Variants in PPA2 observed in about 807,000 individuals in gnomAD.
The protein encoded by PPA2 is inorganic pyrophosphatase 2.
A neutral mutation model predicts 49.5 loss-of-function variants in PPA2; 48 were observed. The observed-to-expected ratio is 0.97, with a 90% CI of 0.77 to 1.23. The LOEUF (loss-of-function observed/expected upper bound fraction) is 1.23. Ranked by LOEUF, PPA2 falls within the 50% of genes most tolerant of loss-of-function variation. The probability of loss-of-function intolerance (pLI) is 0.00; values close to 1 mark genes in which losing one functional copy is unlikely to be tolerated. For missense variants in PPA2, 429 were observed against 410.1 expected, an observed-to-expected ratio of 1.05 and a Z score of -0.40; for synonymous variants, 131 against 139.9, an observed-to-expected ratio of 0.94 and a Z score of 0.45.
chr4:105,463,084 T>C (rs553380193), intron 1 of PPA2, among the ~76,000 whole-genome samples: 9 of 152,200 alleles, frequency 5.9e-5, no homozygotes, highest in Admixed American at 2.6e-4. Context: ...CAGGCAGAGT[T>C]TGGAACAGTC....
At chr4:105,428,526 CA>C (rs35821105) in intron 6 of PPA2, among the ~76,000 whole-genome samples, 101 of 143,928 alleles carry the variant, frequency 7.0e-4, no homozygotes, top group Admixed American at 6.2e-4. Flanking sequence ...AAATGGAAAG[CA>C]AAAAAAAAAA....
chr4:105,459,276 A>T (rs1417572599), intron 1 of PPA2, among the ~76,000 whole-genome samples: 1 of 152,186 alleles, frequency 6.6e-6, no homozygotes, highest in Non-Finnish European at 1.5e-5. Context: ...ATGCACTTAA[A>T]AAAAACTTCT....
In PPA2 at chr4:105,454,340, G is replaced by GTTGTTGTTT. The variant is rs1487069684; in HGVS notation, c.223-699_223-698insAAACAACAA. On this transcript the variant is annotated intron_variant, in intron 2 of 11. Coordinates refer to ENST00000341695, the MANE Select transcript of PPA2 (RefSeq NM_176869.3). ...TGTTGTTGTTGTTGTTGTTGTTGTTGTTTTTGAGACAGAGTCTCGCTCTGT... is the reference window on the plus strand; with the variant it reads ...TGTTGTTGTTGTTGTTGTTGTTGTTGTTGTTGTTTTTTTTGAGACAGAGTCTCGCTCTGT... 4.0e-3 allele frequency among the ~76,000 whole-genome samples: 596 copies of GTTGTTGTTT among 149,216 alleles called. 1 individual carries two copies. The highest frequency in any genetic ancestry group is 5.7e-3 in the Non-Finnish European group (386 of 67,544).
intron 6 of PPA2, among the ~76,000 whole-genome samples, chr4:105,428,700 A>T (rs1723648071): frequency 6.6e-6 from 1 of 152,166 alleles, no homozygotes; most frequent in Non-Finnish European, 1.5e-5. Context: ...GGATAGCATT[A>T]GGAGAAATAC....
intron 2 of PPA2, chr4:105,456,027 A>C: frequency 3.0e-6 from 1 of 329,206 alleles, no homozygotes; most frequent in Non-Finnish European, 6.0e-6. Context: ...ATCATGAGAG[A>C]TCTCGAAACA....
Position 105,397,869 on chromosome 4 carries a change from T to G in PPA2, c.783+1168A>C, listed in dbSNP as rs565232071. ...CCAGAAGCAGATGCCAGCACCATGC[T>G]TCTGGTATAGCCTGTAGGACTGTGA... On this transcript the variant is annotated intron_variant, in intron 8 of 11. Transcript: ENST00000341695. Among the ~76,000 whole-genome samples the G allele has an allele frequency of 2.6e-5, 4 of 152,344 alleles. No individual in the cohort carries two copies. The East Asian group carries it at 7.7e-4, about 29-fold the overall frequency.
rs187070304 is a variant in PPA2 at position 105,393,300 on chromosome 4, C to T, written c.869+2949G>A. ...CTTGATCCCAGGAGTTCGTGAATATCCCTAGCAACATAGCGAGACCCTGTC... is the reference window on the plus strand; with the variant it reads ...CTTGATCCCAGGAGTTCGTGAATATTCCTAGCAACATAGCGAGACCCTGTC... On this transcript the variant is annotated intron_variant, in intron 9 of 11. Coordinates refer to ENST00000341695, the MANE Select transcript of PPA2 (RefSeq NM_176869.3). Among the ~76,000 whole-genome samples the T allele has an allele frequency of 5.5e-4, 84 of 151,714 alleles. 1 individual carries two copies. Among genetic ancestry groups the T allele is most frequent in the African/African-American group, 1.9e-3 (80 of 41,386 alleles).
chr4:105,474,053 C>A lies in PPA2; in HGVS notation c.-3G>T. On this transcript the variant is annotated 5_prime_UTR_variant, in exon 1 of 12. Coordinates refer to ENST00000341695, the MANE Select transcript of PPA2 (RefSeq NM_176869.3). Reference sequence around the variant, plus strand: ...AGCAGCCGCAGCAGCGCGCTCATGGCGTCAATGACGGTCCTGCTGTGCGCG... The same window carrying A: ...AGCAGCCGCAGCAGCGCGCTCATGGAGTCAATGACGGTCCTGCTGTGCGCG... 1 of 1,574,274 alleles carries A rather than the reference C, an allele frequency of 6.4e-7. No individual in the cohort carries two copies. The highest frequency in any genetic ancestry group is 8.6e-7 in the Non-Finnish European group (1 of 1,159,120).
At chr4:105,416,445 T>C (rs1723012765) in intron 7 of PPA2, among the ~76,000 whole-genome samples, 1 of 152,182 alleles carries the variant, frequency 6.6e-6, no homozygotes, top group Non-Finnish European at 1.5e-5. Flanking sequence ...AAAAAGGAGT[T>C]TCCACTTTAC....
At chr4:105,469,475 C>T (rs1173233136) in intron 1 of PPA2, among the ~76,000 whole-genome samples, 1 of 152,146 alleles carries the variant, frequency 6.6e-6, no homozygotes, top group African/African-American at 2.4e-5. Context: ...TGTATCTATA[C>T]CAGACAGCTA....
chr4:105,455,237 GA>G (rs1160145234), intron 2 of PPA2, among the ~76,000 whole-genome samples: 1 of 152,204 alleles, frequency 6.6e-6, no homozygotes, highest in Non-Finnish European at 1.5e-5. Flanking sequence ...CAAAAGCAAA[GA>G]AAAGTGTTGG....
intron 10 of PPA2, among the ~76,000 whole-genome samples, chr4:105,385,865 T>G (rs1228085773): frequency 6.7e-6 from 1 of 148,856 alleles, no homozygotes; most frequent in Non-Finnish European, 1.5e-5. Flanking sequence ...AAACATAATT[T>G]TATTTTATTT....
At chr4:105,372,007 C>T (rs1289686316) in intron 10 of PPA2, among the ~76,000 whole-genome samples, 2 of 152,144 alleles carry the variant, frequency 1.3e-5, no homozygotes, top group Non-Finnish European at 2.9e-5. Flanking sequence ...CTTTTACCTC[C>T]AAACAGCCAC....
At chr4:105,403,949 T>G (rs2713871) in intron 7 of PPA2, among the ~76,000 whole-genome samples, 71,381 of 150,594 alleles carry the variant, frequency 0.47, 17,142 homozygotes, top group East Asian at 0.71. Flanking sequence ...GCACCAGGGG[T>G]GTTTCTAATC....
chr4:105,423,211 C>T (rs527526815), intron 7 of PPA2: 1 of 152,166 alleles, frequency 6.6e-6, no homozygotes, highest in Admixed American at 6.5e-5. Flanking sequence ...CGCTATCAGA[C>T]CTCTCCCTTT....
In PPA2 at chr4:105,369,264, G is replaced by C. The variant is rs113965201; in HGVS notation, c.*461C>G. On this transcript the variant is annotated 3_prime_UTR_variant, in exon 12 of 12. Coordinates refer to ENST00000341695, the MANE Select transcript of PPA2 (RefSeq NM_176869.3). ...TTTTGAGACGGAGTCTCTCTCTGTC[G>C]CCTAGGCTGGAGTGCAGTGGCACAA... 1 of 149,192 alleles carries C rather than the reference G, an allele frequency of 6.7e-6. No homozygotes were observed. The highest frequency in any genetic ancestry group is 1.5e-5 in the Non-Finnish European group (1 of 67,814). 9.2% of individuals were successfully genotyped at this position (149,192 alleles called of 1,614,324 possible). A position where few individuals can be genotyped will look rare whatever the true frequency, so the allele number is the denominator to read the frequency against.
chr4:105,411,672 A>C (rs995694076), intron 7 of PPA2, among the ~76,000 whole-genome samples: 2 of 152,212 alleles, frequency 1.3e-5, no homozygotes, highest in African/African-American at 4.8e-5. Flanking sequence ...AGATGACATG[A>C]TTGTATATTT....
At chr4:105,462,347 A>T (rs1230270009) in intron 1 of PPA2, among the ~76,000 whole-genome samples, 1 of 152,254 alleles carries the variant, frequency 6.6e-6, no homozygotes, top group African/African-American at 2.4e-5. Context: ...GTTGAAAACA[A>T]GCTATTGCCA....
chr4:105,417,974 GC>G lies in PPA2; in HGVS notation c.655+6221del, dbSNP rs1560621599. On this transcript the variant is annotated intron_variant, in intron 7 of 11. Transcript: ENST00000341695. Reference sequence around the variant, plus strand: ...AGGCTAGTTACTAACCATGCCCCATGCCCCATCCACGCGGTGCCTCAGTTTC... The same window carrying G: ...AGGCTAGTTACTAACCATGCCCCATGCCCATCCACGCGGTGCCTCAGTTTC... Among the ~76,000 whole-genome samples the G allele has an allele frequency of 2.0e-5, 3 of 152,120 alleles. No individual in the cohort carries two copies. The South Asian group carries it at 6.2e-4, about 32-fold the overall frequency.
Sources: allele counts gnomAD v4.1 joint callset (sites outside exome capture counted in the v4.1 genomes callset), GRCh38; gene constraint gnomAD v4.1.1; transcripts MANE v1.5; gene names NCBI Gene and HGNC (gene_info 2026-07-23, HGNC 2026-07-21).